The following PTGES3L variants were observed in gnomAD, a reference collection of about 807,000 sequenced individuals.
PTGES3L encodes the protein prostaglandin E synthase 3 like, also known as putative protein PTGES3L.
In PTGES3L, 17 loss-of-function variants were observed where a neutral mutation model predicts 25.0. The observed-to-expected ratio is 0.68, with a 90% CI of 0.47 to 1.02. The LOEUF is 1.02. Ranked by LOEUF, PTGES3L falls within the 50% of genes least tolerant of loss-of-function variation. The pLI, the probability that PTGES3L is intolerant of heterozygous loss-of-function variation, is 0.00. For synonymous variants in PTGES3L, 59 were observed against 65.7 expected (o/e 0.90, Z 0.50); for missense variants, 202 against 197.5 (o/e 1.02, Z -0.14).
intron 4 of PTGES3L, among the ~76,000 whole-genome samples, chr17:42,973,865 G>A (rs1177111748): frequency 2.8e-5 from 4 of 142,206 alleles, no homozygotes; most frequent in African/African-American, 1.0e-4. Flanking sequence ...GCGGAAGGCC[G>A]CAGGGTCCTC....
At chr17:42,973,390 C>T (rs1365917871) in intron 4 of PTGES3L, among the ~76,000 whole-genome samples, 20 of 145,972 alleles carry the variant, frequency 1.4e-4, no homozygotes, top group African/African-American at 4.5e-4. Flanking sequence ...GCCCCCTGCC[C>T]GGCCAGCCGC....
At chr17:42,978,323 C>T (rs962895908) in intron 4 of PTGES3L, among the ~76,000 whole-genome samples, 3 of 151,714 alleles carry the variant, frequency 2.0e-5, no homozygotes, top group Non-Finnish European at 4.4e-5. Context: ...AGGAGAATCG[C>T]TTGAACCCGG....
chr17:42,977,713 A>AAAAG (rs2049985215), intron 4 of PTGES3L, among the ~76,000 whole-genome samples: 1 of 150,278 alleles, frequency 6.7e-6, no homozygotes, highest in Non-Finnish European at 1.5e-5. Context: ...AGAAAGAAAG[A>AAAAG]AAAGAAAGAA....
chr17:42,979,149 G>A, intron 4 of PTGES3L, 21 bp downstream of exon 4: 1 of 1,613,922 alleles, frequency 6.2e-7, no homozygotes, highest in Non-Finnish European at 8.5e-7. Context: ...AGAAGAAGCA[G>A]GCCACTTTCC....
At chr17:42,973,234 AG>A in intron 4 of PTGES3L, among the ~76,000 whole-genome samples, 1 of 146,542 alleles carries the variant, frequency 6.8e-6, no homozygotes, top group African/African-American at 2.5e-5. Flanking sequence ...CCCGTCCGGG[AG>A]GGAGGTGGGG....
At position 42,979,413 on chromosome 17, in the gene PTGES3L, T is replaced by G. The variant is rs772118341; in HGVS notation, c.154A>C (p.Asn52His). ...CKNADGVELYNEIEFYAKVNS... is the reference protein window; with the variant it reads ...CKNADGVELYHEIEFYAKVNS... Reference sequence around the variant, plus strand: ...ACTTTGGCATAGAACTCAATCTCATTGTACAACTCCACTCCATCGGCATTC... The same window carrying G: ...ACTTTGGCATAGAACTCAATCTCATGGTACAACTCCACTCCATCGGCATTC... Residue 52 changes from asparagine to histidine, a missense_variant, in exon 3 of 7, where the codon AAT becomes CAT. Transcript: ENST00000591916. The G allele has an allele frequency of 6.2e-7, 1 of 1,614,108 alleles. No individual in the cohort carries two copies. The highest frequency in any genetic ancestry group is 8.5e-7 in the Non-Finnish European group (1 of 1,180,018).
rs989532913 is a variant in PTGES3L at position 42,974,001 on chromosome 17, A to AT, written c.289-2306dup. Among the ~76,000 whole-genome samples the AT allele has an allele frequency of 1.3e-3, 23 of 17,102 alleles. No homozygotes were observed. In the Non-Finnish European group the frequency reaches 0.037, roughly 27 times the overall value. The allele number at this position is 17,102 out of a possible 152,430, so 11.2% of individuals were successfully genotyped here. ...CCAAGAATTATCAATAAAAAAATAA[A>AT]TTAAAAAAAAATAAAAATAAAAATA... is the stretch of plus-strand genomic sequence containing the variant. On this transcript the variant is annotated intron_variant, in intron 4 of 6. Coordinates refer to ENST00000591916, the MANE Select transcript of PTGES3L (RefSeq NM_001261430.2).
chr17:42,978,664 T>C (rs1377274855), intron 4 of PTGES3L, among the ~76,000 whole-genome samples: 1 of 151,964 alleles, frequency 6.6e-6, no homozygotes, highest in Non-Finnish European at 1.5e-5. Context: ...CGTATACCTA[T>C]GTAACAAACC....
At chr17:42,973,803 G>C (rs1384286419) in intron 4 of PTGES3L, among the ~76,000 whole-genome samples, 6 of 147,384 alleles carry the variant, frequency 4.1e-5, no homozygotes, top group Middle Eastern at 3.4e-3. Flanking sequence ...CAGCATGCTC[G>C]TTAAGAGTCA....
chr17:42,977,271 C>T (rs986123193), intron 4 of PTGES3L, among the ~76,000 whole-genome samples: 2 of 151,916 alleles, frequency 1.3e-5, no homozygotes, highest in Non-Finnish European at 2.9e-5. Context: ...ATTAAAAATA[C>T]AAAAATTAGC....
In PTGES3L at chr17:42,971,768, A is replaced by G. The variant is rs868209068; in HGVS notation, c.289-72T>C. On this transcript the variant is annotated intron_variant, in intron 4 of 6. Transcript: ENST00000591916. ...GGAGTGTGTGGGAGAGTGTGGGCAT[A>G]TGCATGGGAGCACGCCTGGGGAAAA... is the stretch of plus-strand genomic sequence containing the variant. The G allele has an allele frequency of 7.8e-5, 120 of 1,534,572 alleles. 2 individuals carry two copies. In the Middle Eastern group the frequency reaches 5.9e-3, roughly 75 times the overall value.
chr17:42,978,861 G>A (rs1376984264), intron 4 of PTGES3L, among the ~76,000 whole-genome samples: 3 of 152,190 alleles, frequency 2.0e-5, no homozygotes, highest in East Asian at 1.9e-4. Context: ...TTAGCTGGGC[G>A]TGGTGGTGCA....
chr17:42,972,760 G>A (rs1258313636), intron 4 of PTGES3L, among the ~76,000 whole-genome samples: 1 of 151,740 alleles, frequency 6.6e-6, no homozygotes, highest in East Asian at 2.0e-4. Context: ...TGGGAAGTGA[G>A]GAGTGTCTCT....
intron 4 of PTGES3L, among the ~76,000 whole-genome samples, chr17:42,975,135 CAAAAAAAAAAA>C (rs11398866): frequency 1.0e-5 from 1 of 97,050 alleles, no homozygotes; most frequent in Admixed American, 1.3e-4. Context: ...CATCCTGTCT[CAAAAAAAAAAA>C]AAAAAAAAAA....
chr17:42,979,550 C>G lies in PTGES3L; in HGVS notation c.122G>C (p.Ser41Thr). 1 of 1,614,186 alleles carries G rather than the reference C, an allele frequency of 6.2e-7. No individual in the cohort carries two copies. Among genetic ancestry groups the G allele is most frequent in the African/African-American group, 1.3e-5 (1 of 75,036 alleles). ...VLIEDHRIVF[S>T]CKNADGVELY... ...GGCCCTCGGACGGCAGGGCCACTAC[C>G]TGAACACAATGCGGTGATCCTCAAT... Residue 41 changes from serine to threonine, a missense_variant and splice_region_variant, in exon 2 of 7, where the codon AGC becomes ACC. Coordinates refer to ENST00000591916, the MANE Select transcript of PTGES3L (RefSeq NM_001261430.2).
intron 4 of PTGES3L, among the ~76,000 whole-genome samples, chr17:42,978,674 C>T (rs1448709802): frequency 6.6e-6 from 1 of 151,266 alleles, no homozygotes; most frequent in Non-Finnish European, 1.5e-5. Context: ...TGTAACAAAC[C>T]TGCATGTTCT....
chr17:42,971,871 A>T (rs2049843473), intron 4 of PTGES3L, 175 bp from the exon 5 acceptor site: 1 of 595,646 alleles, frequency 1.7e-6, no homozygotes, highest in South Asian at 2.0e-5. Flanking sequence ...AAAGCTAGGC[A>T]TGATAGAGTC....
intron 5 of PTGES3L, among the ~76,000 whole-genome samples, chr17:42,970,574 A>T (rs1435126999): frequency 6.6e-6 from 1 of 152,142 alleles, no homozygotes; most frequent in Non-Finnish European, 1.5e-5. Flanking sequence ...GAAACCAAAT[A>T]ATATAACGAC....
intron 6 of PTGES3L, among the ~76,000 whole-genome samples, chr17:42,969,473 TCTC>T (rs1372994148): frequency 2.1e-5 from 3 of 143,430 alleles, no homozygotes; most frequent in Non-Finnish European, 4.5e-5. Context: ...AGTGGCATGA[TCTC>T]AGCTCAGTGC....
Sources: allele counts gnomAD v4.1 joint callset (sites outside exome capture counted in the v4.1 genomes callset), GRCh38; gene constraint gnomAD v4.1.1; transcripts MANE v1.5; gene names NCBI Gene and HGNC (gene_info 2026-07-23, HGNC 2026-07-21).